Variants in IFT88 observed in about 807,000 individuals in gnomAD.
IFT88 encodes the protein intraflagellar transport protein 88 homolog.
A neutral mutation model predicts 119.5 loss-of-function variants in IFT88; 74 were observed. The ratio of observed to expected loss-of-function variants is 0.62; its 90% confidence interval spans 0.51 to 0.75. The LOEUF is 0.75. Among genes scored for constraint, IFT88 ranks in the 30% least tolerant of loss-of-function variants. The pLI is 0.00. For missense variants in IFT88, 961 were observed against 977.7 expected (o/e 0.98, Z 0.23); for synonymous variants, 279 against 316.7 (o/e 0.88, Z 1.26).
intron 2 of IFT88, among the ~76,000 whole-genome samples, chr13:20,581,481 C>T (rs2038633192): frequency 6.6e-6 from 1 of 152,038 alleles, no homozygotes; most frequent in African/African-American, 2.4e-5. Flanking sequence ...TTGAAGGTTA[C>T]CTTTGGATTT....
chr13:20,672,264 G>T (rs940967852), intron 24 of IFT88, among the ~76,000 whole-genome samples: 10 of 152,086 alleles, frequency 6.6e-5, no homozygotes, highest in African/African-American at 2.2e-4. Context: ...TTCTAGCCAG[G>T]CCACTTGATT....
At position 20,605,046 on chromosome 13, in the gene IFT88, TACTA is replaced by T. The variant is rs1174456662; in HGVS notation, c.1057_1060del (p.Asn353Ter). 1.4e-6 allele frequency: 2 copies of T among 1,465,644 alleles called. No individual in the cohort carries two copies. Among genetic ancestry groups the T allele is most frequent in the African/African-American group, 1.4e-5 (1 of 71,830 alleles). 90.8% of individuals were successfully genotyped at this position (1,465,644 alleles called of 1,614,324 possible). ...TTTTATTTTACCAGGATGATCCTCA[TACTA>T]ACTTAGTAACTGAAGCTATAAAAAA... On this transcript the variant is annotated frameshift_variant, in exon 13 of 26. Coordinates refer to ENST00000351808, the MANE Select transcript of IFT88 (RefSeq NM_006531.5). LOFTEE classifies it high-confidence loss of function.
At chr13:20,582,676 G>A (rs1304849417) in intron 2 of IFT88, among the ~76,000 whole-genome samples, 1 of 152,126 alleles carries the variant, frequency 6.6e-6, no homozygotes, top group Non-Finnish European at 1.5e-5. Context: ...TTGTATACTT[G>A]ATGTTTCAAC....
intron 7 of IFT88, 92 bp from the exon 8 acceptor site, chr13:20,596,053 TGTAAA>T (rs1051946309): frequency 1.7e-4 from 19 of 112,616 alleles, no homozygotes; most frequent in Middle Eastern, 3.9e-3. Context: ...AGACCTTGTC[TGTAAA>T]ATAAAATAAA....
chr13:20,680,404 T>C (rs1249887762), intron 24 of IFT88, among the ~76,000 whole-genome samples: 1 of 152,184 alleles, frequency 6.6e-6, no homozygotes, highest in Admixed American at 6.5e-5. Context: ...ATACCTCCAC[T>C]GGGGGGTCTA....
intron 4 of IFT88, 94 bp from the exon 5 acceptor site, chr13:20,590,873 G>A: frequency 1.2e-6 from 1 of 823,648 alleles, no homozygotes. Context: ...TTGTTTATTT[G>A]CCGATAGAAT....
chr13:20,660,070 C>G (rs991284444), intron 22 of IFT88, among the ~76,000 whole-genome samples: 24 of 152,250 alleles, frequency 1.6e-4, no homozygotes, highest in African/African-American at 5.5e-4. Context: ...TCCTTGATGT[C>G]GTGGAACTTG....
At chr13:20,623,536 G>A (rs760694618) in intron 14 of IFT88, among the ~76,000 whole-genome samples, 56 of 152,060 alleles carry the variant, frequency 3.7e-4, no homozygotes, top group Non-Finnish European at 7.1e-4. Context: ...GTGAAGTGTC[G>A]TGATCTCGGC....
At chr13:20,621,826 G>A (rs1041750837) in intron 14 of IFT88, among the ~76,000 whole-genome samples, 3 of 152,076 alleles carry the variant, frequency 2.0e-5, no homozygotes, top group African/African-American at 7.2e-5. Context: ...ATGATGTCCT[G>A]TACCCACCAT....
At chr13:20,568,775 A>G (rs1422439864) in intron 1 of IFT88, among the ~76,000 whole-genome samples, 1 of 151,962 alleles carries the variant, frequency 6.6e-6, no homozygotes, top group Non-Finnish European at 1.5e-5. Flanking sequence ...GCTGGAGTGC[A>G]GTGGCGGCAA....
Position 20,605,098 on chromosome 13 carries a change from C to T in IFT88, c.1105C>T (p.Arg369Cys), listed in dbSNP as rs753533472. 4 of 1,403,622 alleles carry T rather than the reference C, an allele frequency of 2.8e-6. No individual in the cohort carries two copies. Among genetic ancestry groups the T allele is most frequent in the African/African-American group, 2.8e-5 (2 of 70,466 alleles). 86.9% of individuals were successfully genotyped at this position (1,403,622 alleles called of 1,614,324 possible). ...AAATGATCACCTCAGGCAAATGGAACGTGAAAGGTAATATTTTAAACTTAA... is the reference window on the plus strand; with the variant it reads ...AAATGATCACCTCAGGCAAATGGAATGTGAAAGGTAATATTTTAAACTTAA... ...IKNDHLRQME[R>C]ERKAMAEKYI... The change falls in exon 13 of 26, where the codon CGT becomes TGT. Residue 369 changes from arginine to cysteine, a missense_variant. Physicochemically the swap from Arg to Cys is radical, Grantham distance 180 (BLOSUM62 -3). Transcript: ENST00000351808.
At chr13:20,652,479 T>A (rs901846154) in intron 20 of IFT88, among the ~76,000 whole-genome samples, 2 of 151,086 alleles carry the variant, frequency 1.3e-5, no homozygotes, top group African/African-American at 4.9e-5. Context: ...TAAAAAAAAA[T>A]AAAAACTAGC....
At chr13:20,606,077 C>A (rs2043393772) in intron 13 of IFT88, among the ~76,000 whole-genome samples, 1 of 152,132 alleles carries the variant, frequency 6.6e-6, no homozygotes, top group African/African-American at 2.4e-5. Flanking sequence ...AGCCTTTCTC[C>A]CTTCGCTGGA....
chr13:20,587,733 G>A (rs1286266742), intron 3 of IFT88, among the ~76,000 whole-genome samples: 1 of 152,014 alleles, frequency 6.6e-6, no homozygotes, highest in East Asian at 1.9e-4. Context: ...CTCTAGTAAT[G>A]CTTTTTGTCT....
intron 20 of IFT88, among the ~76,000 whole-genome samples, chr13:20,649,774 G>T (rs1233465182): frequency 6.6e-6 from 1 of 151,934 alleles, no homozygotes; most frequent in South Asian, 2.1e-4. Flanking sequence ...AAAAAAAAGA[G>T]GACTTAATTA....
chr13:20,640,185 T>C (rs1207988144), intron 17 of IFT88, among the ~76,000 whole-genome samples: 1 of 152,210 alleles, frequency 6.6e-6, no homozygotes, highest in Non-Finnish European at 1.5e-5. Flanking sequence ...ATCATTTTTC[T>C]GTATTTTCTT....
At chr13:20,583,516 A>G (rs530818080) in intron 3 of IFT88, among the ~76,000 whole-genome samples, 1 of 152,298 alleles carries the variant, frequency 6.6e-6, no homozygotes, top group Admixed American at 6.5e-5. Context: ...AGTTCTCTAT[A>G]TATTCTGGAT....
chr13:20,587,288 C>T lies in IFT88; in HGVS notation c.154-2523C>T, dbSNP rs145491512. Among the ~76,000 whole-genome samples the T allele has an allele frequency of 1.6e-3, 241 of 151,512 alleles. 1 individual carries two copies. Among genetic ancestry groups the T allele is most frequent in the Middle Eastern group, 6.8e-3 (2 of 294 alleles). On this transcript the variant is annotated intron_variant, in intron 3 of 25. Coordinates refer to ENST00000351808, the MANE Select transcript of IFT88 (RefSeq NM_006531.5). ...TTTCTTTCTTTCTGAGACCAAGTCT[C>T]ACTCTTTTGCCCAGGCTGGAGTACA...
intron 20 of IFT88, among the ~76,000 whole-genome samples, 199 bp from the exon 21 acceptor site, chr13:20,653,677 A>G (rs2052202580): frequency 6.6e-6 from 1 of 152,338 alleles, no homozygotes; most frequent in Admixed American, 6.5e-5. Flanking sequence ...GGAACTTTGA[A>G]GAACACTTAA....
Sources: allele counts gnomAD v4.1 joint callset (sites outside exome capture counted in the v4.1 genomes callset), GRCh38; gene constraint gnomAD v4.1.1; transcripts MANE v1.5; gene names NCBI Gene and HGNC (gene_info 2026-07-23, HGNC 2026-07-21).